The following FH variants were observed in gnomAD, a reference collection of about 807,000 sequenced individuals.
FH encodes fumarate hydratase, mitochondrial.
In FH, 22 loss-of-function variants were observed where a neutral mutation model predicts 49.4. The observed-to-expected ratio is 0.45, with a 90% CI of 0.32 to 0.64. The LOEUF is 0.64. Ranked by LOEUF, FH falls within the 30% of genes least tolerant of loss-of-function variation. The probability of loss-of-function intolerance (pLI) is 0.05; values close to 1 mark genes in which losing one functional copy is unlikely to be tolerated. For synonymous variants in FH, 208 were observed against 223.0 expected (o/e 0.93, Z 0.60); for missense variants, 526 against 641.5 (o/e 0.82, Z 1.95).
At chr1:241,513,771 AT>A in intron 2 of FH, 58 bp from the exon 3 acceptor site, 1 of 1,421,558 alleles carries the variant, frequency 7.0e-7, no homozygotes, top group South Asian at 1.2e-5. Flanking sequence ...ATGGAAGTTT[AT>A]TATTTTGGCA....
chr1:241,508,039 C>A lies in FH; in HGVS notation c.738+564G>T, dbSNP rs376566817. Among the ~76,000 whole-genome samples the A allele has an allele frequency of 2.0e-5, 3 of 152,232 alleles. 1 individual carries two copies. In the South Asian group the frequency reaches 6.2e-4, roughly 32 times the overall value. Reference sequence around the variant, plus strand: ...AAGAGAGTAGTATCTCCTTCACATGCGGCCAGATCCATCTTAAAAAGATCT... The same window carrying A: ...AAGAGAGTAGTATCTCCTTCACATGAGGCCAGATCCATCTTAAAAAGATCT... On this transcript the variant is annotated intron_variant, in intron 5 of 9. Coordinates refer to ENST00000366560, the MANE Select transcript of FH (RefSeq NM_000143.4).
chr1:241,508,003 A>G (rs539162221), intron 5 of FH, among the ~76,000 whole-genome samples: 45 of 152,352 alleles, frequency 3.0e-4, no homozygotes, highest in South Asian at 1.7e-3. Context: ...ATACTTTCTA[A>G]TATCTTGGAG....
chr1:241,500,262 C>T (rs998586223), intron 9 of FH, among the ~76,000 whole-genome samples, 175 bp downstream of exon 9: 1 of 152,128 alleles, frequency 6.6e-6, no homozygotes, highest in African/African-American at 2.4e-5. Context: ...AGAACTATGA[C>T]ACCATACAAG....
chr1:241,516,491 C>T lies in FH; in HGVS notation c.267+691G>A, dbSNP rs146631020. Reference sequence around the variant, plus strand: ...TGGACACAAGGAGGGGAACAAAGCACACAGGGGCCTGTGGGCGGAGGGGGA... The same window carrying T: ...TGGACACAAGGAGGGGAACAAAGCATACAGGGGCCTGTGGGCGGAGGGGGA... On this transcript the variant is annotated intron_variant, in intron 2 of 9. Transcript: ENST00000366560. Among the ~76,000 whole-genome samples the T allele has an allele frequency of 4.3e-4, 66 of 152,150 alleles. No individual in the cohort carries two copies. In the East Asian group the frequency reaches 4.8e-3, roughly 11 times the overall value.
chr1:241,502,980 C>T lies in FH; in HGVS notation c.1109-410G>A, dbSNP rs561247444. 2.2e-3 allele frequency among the ~76,000 whole-genome samples: 339 copies of T among 152,250 alleles called. 14 individuals carry two copies. The South Asian group carries it at 0.062, about 28-fold the overall frequency. The stretch of plus-strand genomic sequence containing the variant: ...GCTGCTATCAGAACACTTATAAAAG[C>T]GACCCTTCACTAACACATGGGAGGC... On this transcript the variant is annotated intron_variant, in intron 7 of 9. Transcript: ENST00000366560.
In FH at chr1:241,519,736, C is replaced by A. The variant is rs543556537; in HGVS notation, c.-14G>T. 6.6e-7 allele frequency: 1 copy of A among 1,523,826 alleles called. No homozygotes were observed. The highest frequency in any genetic ancestry group is 8.8e-7 in the Non-Finnish European group (1 of 1,130,812). The allele number at this position is 1,523,826 out of a possible 1,614,324, so 94.4% of individuals were successfully genotyped here. The stretch of plus-strand genomic sequence containing the variant: ...TGCTCGGTACATGGTGCTGAGGGAG[C>A]TTGGGTAGAATTTCTGGGCGGCTGT... On this transcript the variant is annotated 5_prime_UTR_variant, in exon 1 of 10. Coordinates refer to ENST00000366560, the MANE Select transcript of FH (RefSeq NM_000143.4).
chr1:241,510,231 C>T (rs991206035), intron 4 of FH, among the ~76,000 whole-genome samples: 3 of 152,196 alleles, frequency 2.0e-5, no homozygotes, highest in African/African-American at 7.2e-5. Flanking sequence ...AATTCTCCAA[C>T]AGTTCCTTGA....
chr1:241,507,370 T>C (rs890488788), intron 5 of FH, among the ~76,000 whole-genome samples: 1 of 152,030 alleles, frequency 6.6e-6, no homozygotes, highest in African/African-American at 2.4e-5. Context: ...TGAAATTGCC[T>C]AAGGATGCAT....
In FH at chr1:241,508,791, G is replaced by A. The variant is rs1278315587; in HGVS notation, c.556-6C>T. On this transcript the variant is annotated splice_region_variant and splice_polypyrimidine_tract_variant and intron_variant, in intron 4 of 9. Transcript: ENST00000366560. ...GGAAAAGTATCATTTGAGCTCTGTT[G>A]GAAATTTTTCAAAAGAAATATAAAA... The A allele has an allele frequency of 7.4e-6, 12 of 1,611,502 alleles. No homozygotes were observed. The highest frequency in any genetic ancestry group is 1.0e-5 in the Non-Finnish European group (12 of 1,178,584).
At chr1:241,513,321 G>A (rs1660136863) in intron 3 of FH, among the ~76,000 whole-genome samples, 1 of 151,952 alleles carries the variant, frequency 6.6e-6, no homozygotes, top group Admixed American at 6.6e-5. Context: ...ATCAAGTAAA[G>A]TTCAAATGAT....
At chr1:241,511,320 C>T (rs929111625) in intron 4 of FH, among the ~76,000 whole-genome samples, 1 of 152,210 alleles carries the variant, frequency 6.6e-6, no homozygotes, top group Non-Finnish European at 1.5e-5. Context: ...GGCCTGACCT[C>T]GGACTTCTAG....
chr1:241,513,111 T>C (rs1006429989), intron 3 of FH, among the ~76,000 whole-genome samples: 8 of 152,186 alleles, frequency 5.3e-5, no homozygotes, highest in Admixed American at 4.6e-4. Flanking sequence ...TTTATATAAG[T>C]AGCTGTTATA....
chr1:241,512,825 A>C (rs1246882681), intron 3 of FH, among the ~76,000 whole-genome samples: 1 of 152,134 alleles, frequency 6.6e-6, no homozygotes, highest in African/African-American at 2.4e-5. Context: ...AACTGAGAAA[A>C]GTAAAACAGT....
chr1:241,517,126 C>G, intron 2 of FH, 56 bp downstream of exon 2: 1 of 1,605,358 alleles, frequency 6.2e-7, no homozygotes. Flanking sequence ...TAAAGTGACT[C>G]ATGAATACAG....
intron 5 of FH, among the ~76,000 whole-genome samples, chr1:241,506,427 C>A (rs1467493277): frequency 6.6e-6 from 1 of 151,968 alleles, no homozygotes; most frequent in African/African-American, 2.4e-5. Flanking sequence ...TAATAGGAAG[C>A]AAAGAAAAAC....
chr1:241,501,864 C>T (rs1254084409), intron 8 of FH, among the ~76,000 whole-genome samples: 1 of 152,082 alleles, frequency 6.6e-6, no homozygotes, highest in African/African-American at 2.4e-5. Flanking sequence ...TTTGGGTGGA[C>T]ACAATGTTTT....
At position 241,508,726 on chromosome 1, in the gene FH, T is replaced by C. The variant is rs1474356587; in HGVS notation, c.615A>G (p.Glu205=). Residue 205 remains glutamate (E), a synonymous_variant, in exon 5 of 10, where the codon GAA becomes GAG. Coordinates refer to ENST00000366560, the MANE Select transcript of FH (RefSeq NM_000143.4). ...MHIAAAIEVH[E]VLLPGLQKLH... is the part of the protein sequence containing the mutation. ...ACTTCTGTAGTCCTGGTAACAGTAC[T>C]TCATGAACTTCTATTGCAGCAGCAA... 2 of 1,613,908 alleles carry C rather than the reference T, an allele frequency of 1.2e-6. No homozygotes were observed. The highest frequency in any genetic ancestry group is 3.3e-5 in the Admixed American group (2 of 60,002).
intron 4 of FH, among the ~76,000 whole-genome samples, chr1:241,509,781 ACACAC>A: frequency 2.5e-4 from 2 of 7,980 alleles, no homozygotes; most frequent in South Asian, 5.6e-3. Context: ...ATCTCTAAAC[ACACAC>A]ACACACACAC....
chr1:241,516,658 AT>A (rs34340049), intron 2 of FH, among the ~76,000 whole-genome samples: 8,064 of 148,548 alleles, frequency 0.054, 517 homozygotes, highest in East Asian at 0.34. Flanking sequence ...AATTAAATTA[AT>A]TTTTTTTTTT....
Sources: gnomAD v4.1 joint callset for allele counts (sites outside exome capture counted in the v4.1 genomes callset) on GRCh38, gnomAD v4.1.1 for gene constraint, MANE v1.5 for transcripts, NCBI Gene and HGNC (gene_info 2026-07-23, HGNC 2026-07-21) for gene names.